Variants in CELF2 observed in about 807,000 individuals in gnomAD.
CELF2 encodes CUGBP Elav-like family member 2.
Under a neutral mutation model 62.6 loss-of-function variants are expected in CELF2, and 8 were observed. The ratio of observed to expected loss-of-function variants is 0.13; its 90% CI spans 0.07 to 0.23. The LOEUF (loss-of-function observed/expected upper bound fraction) is 0.23. Ranked by LOEUF, CELF2 falls within the 10% of genes least tolerant of loss-of-function variation. The probability of loss-of-function intolerance (pLI) is 1.00; values close to 1 mark genes in which losing one functional copy is unlikely to be tolerated. For synonymous variants in CELF2, 258 were observed against 250.0 expected, an observed-to-expected ratio of 1.03 and a Z score of -0.30; for missense variants, 333 against 671.0, an observed-to-expected ratio of 0.50 and a Z score of 5.56.
chr10:11,141,840 G>A (rs1310252205), intron 1 of CELF2, among the ~76,000 whole-genome samples: 2 of 152,210 alleles, frequency 1.3e-5, no homozygotes, highest in African/African-American at 2.4e-5. Context: ...TTTCAATAGC[G>A]TGCACAGTAG....
the CELF2 span, among the ~76,000 whole-genome samples, chr10:10,541,242 CAAAAAA>C: frequency 8.9e-6 from 1 of 112,962 alleles, no homozygotes; most frequent in Non-Finnish European, 1.7e-5. Flanking sequence ...GACCCCATCT[CAAAAAA>C]AAAAAAAAAA....
intron 1 of CELF2, among the ~76,000 whole-genome samples, chr10:10,888,252 C>T (rs2061893608): frequency 6.6e-6 from 1 of 152,192 alleles, no homozygotes; most frequent in Non-Finnish European, 1.5e-5. Flanking sequence ...AGAACATAGA[C>T]ATTCCTTCTA....
At chr10:10,542,457 A>G in the CELF2 span, among the ~76,000 whole-genome samples, 147,091 of 152,320 alleles carry the variant, frequency 0.97, 71,052 homozygotes, top group South Asian at 0.98. Flanking sequence ...GAAACTGCAA[A>G]GAAGGCAGCC....
chr10:11,129,228 C>T (rs1035308656), intron 1 of CELF2, among the ~76,000 whole-genome samples: 5 of 152,062 alleles, frequency 3.3e-5, no homozygotes, highest in Non-Finnish European at 5.9e-5. Context: ...GGGATGAAGC[C>T]GACTTGATAT....
At chr10:10,927,931 A>G (rs1349536782) in intron 2 of CELF2, among the ~76,000 whole-genome samples, 1 of 152,130 alleles carries the variant, frequency 6.6e-6, no homozygotes, top group African/African-American at 2.4e-5. Context: ...AGAGTTTCCT[A>G]TTGCTTAGAA....
intron 1 of CELF2, among the ~76,000 whole-genome samples, chr10:10,808,260 A>T (rs568291224): frequency 6.6e-6 from 1 of 152,220 alleles, no homozygotes; most frequent in African/African-American, 2.4e-5. Flanking sequence ...GGCATTGACA[A>T]ATTTCTAGGA....
In CELF2 at chr10:11,318,681, A is replaced by C. The variant is rs771485515; in HGVS notation, c.1097-2508A>C. On this transcript the variant is annotated intron_variant, in intron 10 of 12. Transcript: ENST00000633077. This position sits in a 1 kb window ranked among gnomAD's most constrained non-coding sequence, Gnocchi z 5.4. ...AGCAGGAGCTGTGTTCTGCTTCTGC[A>C]TTGTAAGAGAGAAACATTTTTGGCA... The C allele has an allele frequency of 2.8e-5, 12 of 434,720 alleles. No homozygotes were observed. The highest frequency in any genetic ancestry group is 5.3e-5 in the Non-Finnish European group (11 of 209,214). 26.9% of individuals were successfully genotyped at this position (434,720 alleles called of 1,614,324 possible). A position where few individuals can be genotyped will look rare whatever the true frequency, so the allele number is the denominator to read the frequency against.
chr10:10,869,774 G>A (rs1199607460), intron 1 of CELF2, among the ~76,000 whole-genome samples: 2 of 151,872 alleles, frequency 1.3e-5, no homozygotes, highest in South Asian at 2.1e-4. Context: ...CTCTCTTCAC[G>A]CCTTATCAAC....
intron 1 of CELF2, among the ~76,000 whole-genome samples, chr10:11,088,327 A>G (rs1412616521): frequency 1.3e-5 from 2 of 152,250 alleles, no homozygotes; most frequent in Non-Finnish European, 2.9e-5. Flanking sequence ...GGCAGTGACC[A>G]ATCCAACCAG....
chr10:10,558,909 G>A, the CELF2 span, among the ~76,000 whole-genome samples: 1 of 152,104 alleles, frequency 6.6e-6, no homozygotes, highest in Non-Finnish European at 1.5e-5. Flanking sequence ...AGTCCGAACA[G>A]ACTGTGCTAA....
chr10:11,059,350 G>C (rs1290166673), intron 1 of CELF2, among the ~76,000 whole-genome samples: 1 of 152,178 alleles, frequency 6.6e-6, no homozygotes, highest in African/African-American at 2.4e-5. Flanking sequence ...TACTGTACCT[G>C]ATCATTTGGC....
At chr10:10,574,370 A>G in the CELF2 span, among the ~76,000 whole-genome samples, 6 of 152,190 alleles carry the variant, frequency 3.9e-5, no homozygotes, top group Admixed American at 3.3e-4. Flanking sequence ...AGTGGGGGCC[A>G]TGCCGTGCTG....
intron 1 of CELF2, among the ~76,000 whole-genome samples, chr10:11,134,033 A>G (rs2060017420): frequency 1.3e-5 from 2 of 152,220 alleles, no homozygotes; most frequent in Admixed American, 6.5e-5. Flanking sequence ...ATTATTGTAT[A>G]CTTTGCATAG....
In CELF2 at chr10:10,938,348, G is replaced by T. The variant is rs1314055721; in HGVS notation, c.89+18349G>T. Among the ~76,000 whole-genome samples the T allele has an allele frequency of 6.6e-6, 1 of 152,190 alleles. No homozygotes were observed. Among genetic ancestry groups the T allele is most frequent in the Non-Finnish European group, 1.5e-5 (1 of 68,036 alleles). ...CAGTCCAAAGACCCAAATACCAAAG[G>T]ATTATCTTTAAATTTAGAGAATGAA... On this transcript the variant is annotated intron_variant, in intron 2 of 13. Coordinates refer to the CELF2 transcript ENST00000636488. The surrounding 1 kb of genome is among the most constrained non-coding windows in gnomAD (Gnocchi z 4.2).
intron 1 of CELF2, among the ~76,000 whole-genome samples, chr10:10,799,323 A>T (rs1317691360): frequency 6.6e-6 from 1 of 152,068 alleles, no homozygotes; most frequent in African/African-American, 2.4e-5. Flanking sequence ...GTCTCTACTA[A>T]AAATACAGAA....
At chr10:10,737,926 A>T in the CELF2 span, among the ~76,000 whole-genome samples, 15 of 152,176 alleles carry the variant, frequency 9.9e-5, no homozygotes, top group Non-Finnish European at 1.9e-4. Flanking sequence ...TGAGAAGAAA[A>T]GGCAAACTCT....
At position 10,928,381 on chromosome 10, in the gene CELF2, A is replaced by G. The variant is rs2065746124; in HGVS notation, c.89+8382A>G. 6.6e-6 allele frequency among the ~76,000 whole-genome samples: 1 copy of G among 152,100 alleles called. No individual in the cohort carries two copies. Among genetic ancestry groups the G allele is most frequent in the African/African-American group, 2.4e-5 (1 of 41,400 alleles). ...TCCTTCTATTTGAAAGCCCAGTGTC[A>G]TCTCTCTGCTCTTTTTCTCCCCTAC... On this transcript the variant is annotated intron_variant, in intron 2 of 13. Coordinates refer to the CELF2 transcript ENST00000636488. This position sits in a 1 kb window ranked among gnomAD's most constrained non-coding sequence, Gnocchi z 4.8.
At position 11,046,374 on chromosome 10, in the gene CELF2, G is replaced by A. The variant is rs753584291; in HGVS notation, c.74+28211G>A. On this transcript the variant is annotated intron_variant, in intron 1 of 12. Transcript: ENST00000633077. This position sits in a 1 kb window ranked among gnomAD's most constrained non-coding sequence, Gnocchi z 4.6. ...GGATGCAATTTGGATCTCCCTAGAC[G>A]ACTTGGCCCAGAGTTGGGCACAGAG... Among the ~76,000 whole-genome samples the A allele has an allele frequency of 5.3e-5, 8 of 152,224 alleles. No homozygotes were observed. The highest frequency in any genetic ancestry group is 1.9e-4 in the East Asian group (1 of 5,196).
the CELF2 span, among the ~76,000 whole-genome samples, chr10:10,743,362 A>G: frequency 6.6e-6 from 1 of 152,252 alleles, no homozygotes; most frequent in African/African-American, 2.4e-5. Context: ...AGTTACAGAT[A>G]CACACAATAA....
Sources: gnomAD v4.1 joint callset for allele counts (sites outside exome capture counted in the v4.1 genomes callset) on GRCh38, gnomAD v4.1.1 for gene constraint, Gnocchi (gnomAD v3.1) non-coding constraint, MANE v1.5 for transcripts, NCBI Gene and HGNC (gene_info 2026-07-23, HGNC 2026-07-21) for gene names.